The following STPG2 variants were observed in gnomAD, a reference collection of about 807,000 sequenced individuals.
STPG2 encodes sperm-tail PG-rich repeat-containing protein 2.
STPG2 carries 56 observed loss-of-function variants against 54.2 expected under a neutral mutation model. That is an observed-to-expected ratio of 1.03 (90% confidence interval 0.83 to 1.29). The LOEUF is 1.29. Ranked by LOEUF, STPG2 falls within the 50% of genes most tolerant of loss-of-function variation. STPG2 has a pLI of 0.00. For synonymous variants in STPG2, 200 were observed against 181.8 expected, an observed-to-expected ratio of 1.10 and a Z score of -0.81; for missense variants, 596 against 544.9, an observed-to-expected ratio of 1.09 and a Z score of -0.93.
At chr4:98,107,037 C>A (rs865979643) in intron 4 of STPG2, among the ~76,000 whole-genome samples, 1 of 152,242 alleles carries the variant, frequency 6.6e-6, no homozygotes, top group South Asian at 2.1e-4. Flanking sequence ...TTACCATCCC[C>A]GCTCACTGCT....
At chr4:97,779,920 T>C (rs1218832304) in intron 9 of STPG2, among the ~76,000 whole-genome samples, 1 of 151,620 alleles carries the variant, frequency 6.6e-6, no homozygotes, top group Non-Finnish European at 1.5e-5. Flanking sequence ...CTAAAAGAGC[T>C]CCTGAAAGAA....
chr4:97,972,504 A>C, intron 6 of STPG2, 64 bp from the exon 7 acceptor site: 1 of 972,102 alleles, frequency 1.0e-6, no homozygotes, highest in Non-Finnish European at 1.4e-6. Context: ...TTTTGAACTG[A>C]GTAATTTTTA....
At chr4:97,863,393 C>T (rs1400819027) in intron 8 of STPG2, among the ~76,000 whole-genome samples, 1 of 152,002 alleles carries the variant, frequency 6.6e-6, no homozygotes, top group African/African-American at 2.4e-5. Flanking sequence ...CAAGACTAAG[C>T]CAGGAAGAAG....
chr4:97,700,323 G>T (rs1290496383), intron 10 of STPG2, among the ~76,000 whole-genome samples: 1 of 152,160 alleles, frequency 6.6e-6, no homozygotes, highest in Non-Finnish European at 1.5e-5. Context: ...CTCCAAAATA[G>T]CAGCCTTTTG....
intron 4 of STPG2, among the ~76,000 whole-genome samples, chr4:97,531,297 A>G (rs970454883): frequency 6.6e-6 from 1 of 152,298 alleles, no homozygotes; most frequent in South Asian, 2.1e-4. Flanking sequence ...AACAGTTTGG[A>G]GTTTCCTTAA....
intron 10 of STPG2, among the ~76,000 whole-genome samples, chr4:97,614,899 T>C (rs1353532184): frequency 1.3e-5 from 2 of 152,184 alleles, no homozygotes; most frequent in Non-Finnish European, 2.9e-5. Flanking sequence ...TGTTGGCTAT[T>C]GTTCCTGCTG....
chr4:97,555,129 T>C (rs1578384242), downstream of STPG2, among the ~76,000 whole-genome samples: 2 of 152,200 alleles, frequency 1.3e-5, no homozygotes, highest in South Asian at 2.1e-4. Context: ...TCCCTTGTTC[T>C]ATGGTGCTTT....
At chr4:97,893,337 A>T (rs1730840526) in intron 8 of STPG2, 1 of 152,136 alleles carries the variant, frequency 6.6e-6, no homozygotes, top group South Asian at 2.1e-4. Context: ...CTTTGACTAA[A>T]ACATGACTCA....
chr4:97,470,318 C>T (rs1200831811), intron 4 of STPG2, among the ~76,000 whole-genome samples: 1 of 152,080 alleles, frequency 6.6e-6, no homozygotes, highest in Non-Finnish European at 1.5e-5. Context: ...GTTTGTACTA[C>T]ATTTTCAAAG....
chr4:97,813,263 G>A (rs1380524022), intron 9 of STPG2, among the ~76,000 whole-genome samples: 2 of 151,916 alleles, frequency 1.3e-5, no homozygotes, highest in African/African-American at 4.8e-5. Context: ...AAAATAAATG[G>A]AAGGCTACCT....
intron 5 of STPG2, among the ~76,000 whole-genome samples, chr4:98,004,671 A>G (rs1560631326): frequency 1.3e-5 from 2 of 152,100 alleles, no homozygotes; most frequent in Non-Finnish European, 2.9e-5. Context: ...ACTTTTTGAT[A>G]ATAGCTTTTC....
chr4:97,762,627 G>A (rs997291519), intron 9 of STPG2, among the ~76,000 whole-genome samples: 6 of 151,974 alleles, frequency 3.9e-5, no homozygotes, highest in African/African-American at 1.4e-4. Flanking sequence ...CAACAGCAAT[G>A]GAAAAGAAAA....
At chr4:97,922,575 AG>A in intron 8 of STPG2, among the ~76,000 whole-genome samples, 1 of 152,360 alleles carries the variant, frequency 6.6e-6, no homozygotes, top group South Asian at 2.1e-4. Flanking sequence ...AAAAATGCAC[AG>A]GTATGCTGAA....
chr4:97,581,015 T>C (rs913796455), intron 10 of STPG2, among the ~76,000 whole-genome samples: 1 of 152,214 alleles, frequency 6.6e-6, no homozygotes, highest in East Asian at 1.9e-4. Context: ...ATTTATTTAC[T>C]TATATTTATT....
In STPG2 at chr4:97,985,089, G is replaced by A. The variant is rs376203690; in HGVS notation, c.613-3771C>T. Among the ~76,000 whole-genome samples the A allele has an allele frequency of 3.3e-5, 5 of 152,196 alleles. No individual in the cohort carries two copies. In the South Asian group the frequency reaches 6.2e-4, roughly 19 times the overall value. ...TATATGTTCTTTTGAGTTGTGTAAA[G>A]TAGGTAAATATTAACACTACTAAAA... On this transcript the variant is annotated intron_variant, in intron 5 of 10. Coordinates refer to ENST00000295268, the MANE Select transcript of STPG2 (RefSeq NM_174952.3).
chr4:97,454,597 T>A (rs1729468871), intron 4 of STPG2, among the ~76,000 whole-genome samples: 1 of 148,478 alleles, frequency 6.7e-6, no homozygotes, highest in South Asian at 2.1e-4. Flanking sequence ...GAATAATCAG[T>A]TTTGTATTTG....
chr4:98,006,184 T>C (rs1415212544), intron 5 of STPG2, among the ~76,000 whole-genome samples: 1 of 152,212 alleles, frequency 6.6e-6, no homozygotes, highest in African/African-American at 2.4e-5. Flanking sequence ...AAGGACACTT[T>C]ACATCACGGG....
chr4:97,943,799 C>G, intron 8 of STPG2, 98 bp downstream of exon 8: 1 of 847,952 alleles, frequency 1.2e-6, no homozygotes, highest in Admixed American at 2.9e-5. Flanking sequence ...AGCACGCTAC[C>G]AGTTACCTCA....
chr4:97,817,747 C>T (rs190474923), intron 9 of STPG2, among the ~76,000 whole-genome samples: 1 of 152,060 alleles, frequency 6.6e-6, no homozygotes, highest in Admixed American at 6.6e-5. Flanking sequence ...AGCCTTTTAA[C>T]TCTAGAGGCA....
Sources: allele counts gnomAD v4.1 joint callset (sites outside exome capture counted in the v4.1 genomes callset), GRCh38; gene constraint gnomAD v4.1.1; transcripts MANE v1.5; gene names NCBI Gene and HGNC (gene_info 2026-07-23, HGNC 2026-07-21).